GSE1: variants seen among roughly 807,000 people sequenced by gnomAD.
GSE1 encodes the protein Gse1 coiled-coil protein.
In GSE1, 32 loss-of-function variants were observed where a neutral mutation model predicts 112.6. That is an observed-to-expected ratio of 0.28 (90% confidence interval 0.21 to 0.38). The LOEUF (loss-of-function observed/expected upper bound fraction) is 0.38, where lower values mean the gene tolerates loss of function less well. GSE1 is among the 10% of genes least tolerant of loss of function. GSE1 has a pLI of 1.00. For synonymous variants in GSE1, 1,115 were observed against 735.6 expected (o/e 1.52, Z -8.35); for missense variants, 2,348 against 1,699.2 (o/e 1.38, Z -6.71).
chr16:85,665,307 G>C (rs775934016), intron 12 of GSE1, among the ~76,000 whole-genome samples, 179 bp downstream of exon 12: 4 of 151,872 alleles, frequency 2.6e-5, no homozygotes, highest in Non-Finnish European at 5.9e-5. Context: ...GGGACGGAAC[G>C]TCAGTTTGAA....
intron 2 of GSE1, among the ~76,000 whole-genome samples, chr16:85,528,694 G>A (rs2052447259): frequency 6.7e-6 from 1 of 148,540 alleles, no homozygotes; most frequent in African/African-American, 2.5e-5. Flanking sequence ...TGATGGGGTG[G>A]TCAGGAAGGG....
intron 1 of GSE1, among the ~76,000 whole-genome samples, chr16:85,328,151 G>A (rs557228092): frequency 2.6e-5 from 4 of 152,378 alleles, no homozygotes; most frequent in South Asian, 2.1e-4. Flanking sequence ...CAGGAAGCTC[G>A]TTCTCACCAG....
chr16:85,666,070 G>T lies in GSE1; in HGVS notation c.2853G>T (p.Lys951Asn). 6.2e-7 allele frequency: 1 copy of T among 1,613,424 alleles called. No homozygotes were observed. ...SDIPKAAEPG[K>N]LEQVRPQELS... ...TCCCAAAGGCCGCGGAGCCTGGGAA[G>T]CTGGAACAGGTCCGGCCCCAGGAGC... is the stretch of plus-strand genomic sequence containing the variant. Residue 951 changes from lysine (K) to asparagine (N), a missense_variant, in exon 13 of 16, where the codon AAG becomes AAT. By Grantham distance (94) the Lys-to-Asn change is moderately conservative. Coordinates refer to ENST00000253458, the MANE Select transcript of GSE1 (RefSeq NM_014615.5).
intron 1 of GSE1, among the ~76,000 whole-genome samples, chr16:85,616,494 G>A (rs536302749): frequency 4.3e-4 from 65 of 152,322 alleles, no homozygotes; most frequent in African/African-American, 1.5e-3. Flanking sequence ...GATCGGGCCA[G>A]GGTTGGATGG....
intron 1 of GSE1, among the ~76,000 whole-genome samples, chr16:85,615,369 A>C (rs1211442117): frequency 6.6e-6 from 1 of 152,208 alleles, no homozygotes; most frequent in East Asian, 1.9e-4. Context: ...AGACTTTCCG[A>C]GACAGCCAGC....
At chr16:85,469,061 C>A (rs566277811) in intron 2 of GSE1, among the ~76,000 whole-genome samples, 1 of 152,190 alleles carries the variant, frequency 6.6e-6, no homozygotes, top group Admixed American at 6.5e-5. Flanking sequence ...TCAAGACCAG[C>A]CCGGCCAATG....
At chr16:85,432,165 A>G (rs55703183) in intron 2 of GSE1, among the ~76,000 whole-genome samples, 12,850 of 152,292 alleles carry the variant, frequency 0.084, 871 homozygotes, top group East Asian at 0.42. Context: ...TTAGAGTGTC[A>G]TAAGGTTAGG....
intron 1 of GSE1, among the ~76,000 whole-genome samples, chr16:85,233,806 G>C (rs962739490): frequency 6.6e-6 from 1 of 152,208 alleles, no homozygotes; most frequent in African/African-American, 2.4e-5. Flanking sequence ...GGCTGGACCA[G>C]CCCAGGTGAG....
intron 1 of GSE1, among the ~76,000 whole-genome samples, chr16:85,184,356 T>C (rs561260389): frequency 6.6e-6 from 1 of 152,350 alleles, no homozygotes; most frequent in South Asian, 2.1e-4. Context: ...ATTCTTGATC[T>C]TGTATTCCCT....
At chr16:85,329,670 A>G (rs551060920) in intron 1 of GSE1, among the ~76,000 whole-genome samples, 10 of 152,022 alleles carry the variant, frequency 6.6e-5, no homozygotes, top group African/African-American at 2.4e-4. Context: ...TGAGGGGATT[A>G]GGCCGGAGCC....
In GSE1 at chr16:85,654,376, C is replaced by G. The variant is rs200380779; in HGVS notation, c.525C>G (p.His175Gln). 162 of 1,611,878 alleles carry G rather than the reference C, an allele frequency of 1.0e-4. No individual in the cohort carries two copies. Among genetic ancestry groups the G allele is most frequent in the Admixed American group, 3.5e-4 (21 of 59,956 alleles). Reference protein sequence around the residue: ...EKAGGPAIPSHLLSTPYPFGL... With the variant: ...EKAGGPAIPSQLLSTPYPFGL... ...CAGGGGGACCAGCCATCCCCTCGCA[C>G]CTGCTCAGCACCCCCTACCCCTTCG... Residue 175 changes from histidine (H) to glutamine (Q), a missense_variant, in exon 4 of 16, where the codon CAC (histidine) becomes CAG (glutamine). Physicochemically the swap from His to Gln is conservative, Grantham distance 24. Coordinates refer to ENST00000253458, the MANE Select transcript of GSE1 (RefSeq NM_014615.5).
At chr16:85,623,788 G>A (rs1464644261) in intron 1 of GSE1, among the ~76,000 whole-genome samples, 2 of 152,158 alleles carry the variant, frequency 1.3e-5, no homozygotes, top group East Asian at 1.9e-4. Flanking sequence ...CGAAGGCCAG[G>A]TGGCCCTTTC....
chr16:85,554,780 G>C (rs1002305265), upstream of GSE1: 25 of 651,150 alleles, frequency 3.8e-5, no homozygotes, highest in South Asian at 2.7e-4. Context: ...AGTCGTGGGG[G>C]GGGAGGGAGG....
chr16:85,195,019 A>T (rs1187662464), intron 1 of GSE1, among the ~76,000 whole-genome samples: 1 of 152,046 alleles, frequency 6.6e-6, no homozygotes, highest in Non-Finnish European at 1.5e-5. Flanking sequence ...ATCACTCAGG[A>T]GATTTGTGAG....
intron 2 of GSE1, among the ~76,000 whole-genome samples, chr16:85,636,015 C>T (rs8045884): frequency 0.01 from 1,596 of 152,370 alleles, 8 homozygotes; most frequent in Non-Finnish European, 0.018. Flanking sequence ...GCTCGGCCAG[C>T]GGGTGGCCTG....
chr16:85,359,861 T>C lies in GSE1; in HGVS notation c.2464+2218T>C, dbSNP rs544042457. Among the ~76,000 whole-genome samples the C allele has an allele frequency of 2.0e-3, 301 of 152,158 alleles. 1 individual carries two copies. Among genetic ancestry groups the C allele is most frequent in the African/African-American group, 6.8e-3 (283 of 41,528 alleles). ...CCTGGGCAACCCCCAGGCGAAACTC[T>C]GTCTCTACAAAAAAATACAAAAATT... On this transcript the variant is annotated intron_variant, in intron 2 of 2. Transcript: ENST00000637419.
intron 2 of GSE1, among the ~76,000 whole-genome samples, chr16:85,426,654 G>A (rs1368555557): frequency 6.6e-6 from 1 of 150,452 alleles, no homozygotes; most frequent in South Asian, 2.1e-4. Flanking sequence ...TGGGTGGATG[G>A]GTGAATGGAA....
chr16:85,371,404 C>G (rs2047297853), intron 2 of GSE1, among the ~76,000 whole-genome samples: 1 of 152,214 alleles, frequency 6.6e-6, no homozygotes, highest in South Asian at 2.1e-4. Context: ...CGAGCTGTGA[C>G]TCGGTGAGGG....
At chr16:85,386,437 C>CGG (rs948744227) in intron 2 of GSE1, among the ~76,000 whole-genome samples, 1 of 152,182 alleles carries the variant, frequency 6.6e-6, no homozygotes, top group African/African-American at 2.4e-5. Flanking sequence ...ACGTAACGCA[C>CGG]GGGGGTTTGA....
Sources: gnomAD v4.1 joint callset for allele counts (sites outside exome capture counted in the v4.1 genomes callset) on GRCh38, gnomAD v4.1.1 for gene constraint, MANE v1.5 for transcripts, NCBI Gene and HGNC (gene_info 2026-07-23, HGNC 2026-07-21) for gene names.